The following CHD1 variants were observed in gnomAD, a reference collection of about 807,000 sequenced individuals.
CHD1 encodes the protein chromodomain helicase DNA binding protein 1, also known as ATP-dependent chromatin remodeler CHD1.
CHD1 carries 36 observed loss-of-function variants against 224.2 expected under a neutral mutation model. That is an observed-to-expected ratio of 0.16 (90% confidence interval 0.12 to 0.21). The LOEUF (loss-of-function observed/expected upper bound fraction) is 0.21. CHD1 is among the 10% of genes least tolerant of loss of function. The probability of loss-of-function intolerance (pLI) is 1.00; values close to 1 mark genes in which losing one functional copy is unlikely to be tolerated. For synonymous variants in CHD1, 668 were observed against 658.3 expected (o/e 1.01, Z -0.23); for missense variants, 1,378 against 1,994.8 (o/e 0.69, Z 5.89).
At chr5:98,923,514 G>C (rs1753245409) in intron 2 of CHD1, among the ~76,000 whole-genome samples, 1 of 151,408 alleles carries the variant, frequency 6.6e-6, no homozygotes, top group Non-Finnish European at 1.5e-5. Context: ...TCTGCCTCCT[G>C]GGTTCAAGCA....
chr5:98,893,521 G>C lies in CHD1; in HGVS notation c.1886C>G (p.Thr629Ser). 6.2e-7 allele frequency: 1 copy of C among 1,611,408 alleles called. No individual in the cohort carries two copies. Among genetic ancestry groups the C allele is most frequent in the South Asian group, 1.1e-5 (1 of 90,838 alleles). The change falls in exon 14 of 36, where the codon ACT (threonine) becomes AGT (serine). Residue 629 changes from threonine to serine, a missense_variant. Physicochemically the swap from Thr to Ser is moderately conservative, Grantham distance 58 (BLOSUM62 1). Around this residue, in one of 16 missense-constraint regions of CHD1, gnomAD observed 37 missense variants for 118.9 expected, o/e 0.31. Coordinates refer to ENST00000614616, the MANE Select transcript of CHD1 (RefSeq NM_001270.4). ...LKNDDSLLYK[T>S]LIDFKSNHRL... ...ATGATTGGATTTAAAATCTATTAAAGTTTTATACAGAAGGGAGTCATCATT... is the reference window on the plus strand; with the variant it reads ...ATGATTGGATTTAAAATCTATTAAACTTTTATACAGAAGGGAGTCATCATT...
At chr5:98,909,692 T>C (rs1022172565) in intron 2 of CHD1, among the ~76,000 whole-genome samples, 1 of 152,200 alleles carries the variant, frequency 6.6e-6, no homozygotes, top group African/African-American at 2.4e-5. Context: ...AGGGGTTTTA[T>C]TTCTTTTCCT....
At chr5:98,869,016 T>C (rs1749117544) in intron 30 of CHD1, 1 of 849,458 alleles carries the variant, frequency 1.2e-6, no homozygotes, top group Non-Finnish European at 1.4e-6. Context: ...TTGCATACCT[T>C]TTCTTCCTTT....
chr5:98,913,128 C>T (rs1752528470), intron 2 of CHD1, among the ~76,000 whole-genome samples: 1 of 152,162 alleles, frequency 6.6e-6, no homozygotes, highest in Non-Finnish European at 1.5e-5. Flanking sequence ...CATCCTATGC[C>T]TCTTGTTCCC....
At chr5:98,861,744 C>A (rs1441369393) in intron 32 of CHD1, among the ~76,000 whole-genome samples, 1 of 151,202 alleles carries the variant, frequency 6.6e-6, no homozygotes, top group African/African-American at 2.4e-5. Flanking sequence ...CCTTGTGATG[C>A]GCCCACCTTG....
At chr5:98,879,872 A>C in intron 22 of CHD1, 144 bp from the exon 23 acceptor site, 1 of 563,492 alleles carries the variant, frequency 1.8e-6, no homozygotes, top group Middle Eastern at 4.6e-4. Context: ...AACAACCTAG[A>C]TTCATTTCTT....
At chr5:98,865,764 A>T (rs1460203945) in intron 31 of CHD1, among the ~76,000 whole-genome samples, 1 of 152,234 alleles carries the variant, frequency 6.6e-6, no homozygotes, top group African/African-American at 2.4e-5. Flanking sequence ...ACTTAGAGGT[A>T]AAATCCTATA....
At chr5:98,899,782 A>G (rs1751574025) in intron 7 of CHD1, 77 bp from the exon 8 acceptor site, 2 of 958,264 alleles carry the variant, frequency 2.1e-6, no homozygotes, top group Admixed American at 4.3e-5. Context: ...AATTTCAATA[A>G]TATGAGTACA....
At chr5:98,907,707 C>A (rs73153574) in intron 2 of CHD1, among the ~76,000 whole-genome samples, 1 of 150,662 alleles carries the variant, frequency 6.6e-6, no homozygotes, top group African/African-American at 2.4e-5. Flanking sequence ...GTTTCTTTTG[C>A]ATAAGAAAGA....
At chr5:98,901,357 T>C (rs544870804) in intron 5 of CHD1, 22 bp from the exon 6 acceptor site, 4 of 1,584,968 alleles carry the variant, frequency 2.5e-6, no homozygotes, top group African/African-American at 2.7e-5. Flanking sequence ...ATTTATAAAG[T>C]ATTTTTATTT....
chr5:98,868,961 G>T, intron 30 of CHD1: 1 of 780,656 alleles, frequency 1.3e-6, no homozygotes, highest in Non-Finnish European at 1.6e-6. Context: ...CTCCTAAAAT[G>T]TAAATATGCT....
At chr5:98,923,310 T>C (rs1374166718) in intron 2 of CHD1, among the ~76,000 whole-genome samples, 1 of 152,194 alleles carries the variant, frequency 6.6e-6, no homozygotes, top group Non-Finnish European at 1.5e-5. Context: ...ACACAAAACC[T>C]GTATAGCAGA....
chr5:98,907,101 A>C (rs1181738388), intron 2 of CHD1, among the ~76,000 whole-genome samples: 1 of 152,200 alleles, frequency 6.6e-6, no homozygotes, highest in Non-Finnish European at 1.5e-5. Context: ...TAACAAATCA[A>C]AATTCTTAAA....
intron 2 of CHD1, among the ~76,000 whole-genome samples, chr5:98,925,523 C>T (rs886298354): frequency 3.9e-5 from 6 of 152,192 alleles, no homozygotes; most frequent in Non-Finnish European, 7.3e-5. Context: ...GGTAAGCAAA[C>T]AGTTTGACTC....
At position 98,887,129 on chromosome 5, in the gene CHD1, T is replaced by A. The variant is rs558435392; in HGVS notation, c.2496+959A>T. ...AAACCACTGAATTGTATACTTTAAA[T>A]GAGTAAACTGTATGATATGGGAATT... On this transcript the variant is annotated intron_variant, in intron 17 of 35. Transcript: ENST00000614616. 1.1e-4 allele frequency among the ~76,000 whole-genome samples: 17 copies of A among 152,278 alleles called. No homozygotes were observed. The South Asian group carries it at 3.3e-3, about 30-fold the overall frequency.
In CHD1 at chr5:98,903,775, T is replaced by A. The variant is rs1751872370; in HGVS notation, c.372+17A>T. Reference sequence around the variant, plus strand: ...GCATGTCCACTTTTAAAATAATAGCTCATGATGAAAATGCACCTCTTCTGA... The same window carrying A: ...GCATGTCCACTTTTAAAATAATAGCACATGATGAAAATGCACCTCTTCTGA... On this transcript the variant is annotated intron_variant, in intron 4 of 35. Coordinates refer to ENST00000614616, the MANE Select transcript of CHD1 (RefSeq NM_001270.4). The A allele has an allele frequency of 1.3e-6, 2 of 1,529,592 alleles. No homozygotes were observed. The highest frequency in any genetic ancestry group is 2.2e-5 in the South Asian group (2 of 89,366). 94.8% of individuals were successfully genotyped at this position (1,529,592 alleles called of 1,614,324 possible).
chr5:98,876,704 G>C (rs1276195129), intron 23 of CHD1, 146 bp from the exon 24 acceptor site: 2 of 672,274 alleles, frequency 3.0e-6, no homozygotes, highest in Middle Eastern at 3.0e-4. Flanking sequence ...AGAGCAAACA[G>C]AGAAAAATAT....
intron 2 of CHD1, among the ~76,000 whole-genome samples, chr5:98,925,193 T>A (rs1580546612): frequency 6.6e-6 from 1 of 152,204 alleles, no homozygotes; most frequent in Admixed American, 6.5e-5. Context: ...AAATATTCAG[T>A]GCTCATTATC....
At chr5:98,888,280 A>G in intron 16 of CHD1, 40 bp from the exon 17 acceptor site, 5 of 1,467,532 alleles carry the variant, frequency 3.4e-6, no homozygotes, top group Non-Finnish European at 4.6e-6. Flanking sequence ...TAAAAGACAT[A>G]AATGGTAAGT....
Sources: gnomAD v4.1 joint callset for allele counts (sites outside exome capture counted in the v4.1 genomes callset) on GRCh38, gnomAD v4.1.1 for gene constraint, gnomAD v4.1.1 regional missense constraint, MANE v1.5 for transcripts, NCBI Gene and HGNC (gene_info 2026-07-23, HGNC 2026-07-21) for gene names.